Variants in AUTS2 observed in about 807,000 individuals in gnomAD.
The protein encoded by AUTS2 is activator of transcription and developmental regulator AUTS2.
AUTS2 carries 17 observed loss-of-function variants against 112.4 expected under a neutral mutation model. That is an observed-to-expected ratio of 0.15 (90% CI 0.10 to 0.23). AUTS2 has a LOEUF of 0.23. AUTS2 is among the 10% of genes least tolerant of loss of function. The pLI, the probability that AUTS2 is intolerant of heterozygous loss-of-function variation, is 1.00. For missense variants in AUTS2, 1,510 were observed against 1,701.6 expected (o/e 0.89, Z 1.98); for synonymous variants, 751 against 702.7 (o/e 1.07, Z -1.09).
chr7:69,911,637 G>A (rs1217097949), intron 2 of AUTS2, among the ~76,000 whole-genome samples: 1 of 152,164 alleles, frequency 6.6e-6, no homozygotes, highest in East Asian at 1.9e-4. Context: ...TCATCCCTAT[G>A]AGTGTCCAGC....
chr7:70,458,885 T>A (rs147053213), intron 5 of AUTS2, among the ~76,000 whole-genome samples: 1 of 152,328 alleles, frequency 6.6e-6, no homozygotes, highest in East Asian at 1.9e-4. Flanking sequence ...AGCACCAAGC[T>A]GCTCCATCCA....
chr7:70,530,844 TG>T (rs1333110456), intron 5 of AUTS2, among the ~76,000 whole-genome samples: 2 of 152,200 alleles, frequency 1.3e-5, no homozygotes, highest in African/African-American at 4.8e-5. Context: ...CCTCTAGCTC[TG>T]CCCCAACATT....
intron 1 of AUTS2, among the ~76,000 whole-genome samples, chr7:69,894,697 GTTT>G (rs1428453798): frequency 6.6e-6 from 1 of 152,088 alleles, no homozygotes; most frequent in Admixed American, 6.5e-5. Flanking sequence ...CATCTCAGGT[GTTT>G]CTGGTGATAA....
At chr7:70,064,460 G>T (rs952713837) in intron 2 of AUTS2, among the ~76,000 whole-genome samples, 1 of 152,086 alleles carries the variant, frequency 6.6e-6, no homozygotes, top group East Asian at 1.9e-4. Context: ...TTTGGCCTTG[G>T]AACAAACAAA....
intron 5 of AUTS2, among the ~76,000 whole-genome samples, chr7:70,624,064 T>A (rs1166209031): frequency 6.6e-6 from 1 of 152,216 alleles, no homozygotes; most frequent in Non-Finnish European, 1.5e-5. Flanking sequence ...TCTTCCTCAC[T>A]AGAATTATCT....
chr7:69,769,426 A>C (rs755697340), intron 1 of AUTS2, among the ~76,000 whole-genome samples: 15 of 152,170 alleles, frequency 9.9e-5, no homozygotes, highest in Non-Finnish European at 1.6e-4. Flanking sequence ...TTGAAGGGTG[A>C]CTTATGTAAT....
intron 1 of AUTS2, among the ~76,000 whole-genome samples, chr7:69,833,386 C>T (rs1010870592): frequency 1.3e-5 from 2 of 152,158 alleles, no homozygotes; most frequent in African/African-American, 4.8e-5. Context: ...CCAATCGTAT[C>T]TGAACTACAT....
chr7:70,703,083 C>T (rs1809545873), intron 6 of AUTS2, among the ~76,000 whole-genome samples: 2 of 152,170 alleles, frequency 1.3e-5, no homozygotes, highest in South Asian at 4.1e-4. Flanking sequence ...CTAATAAATT[C>T]TTCCATGGCG....
chr7:69,874,753 G>C (rs1793654849), intron 1 of AUTS2, among the ~76,000 whole-genome samples: 1 of 151,976 alleles, frequency 6.6e-6, no homozygotes, highest in Non-Finnish European at 1.5e-5. Flanking sequence ...TTGCCTCCCT[G>C]GTTCAAGAGA....
intron 1 of AUTS2, among the ~76,000 whole-genome samples, chr7:69,863,889 A>G (rs1260993725): frequency 6.6e-6 from 1 of 152,200 alleles, no homozygotes; most frequent in African/African-American, 2.4e-5. Flanking sequence ...GAGGCTGACC[A>G]TACAGACTTC....
At chr7:69,747,440 T>C (rs1787542409) in intron 1 of AUTS2, among the ~76,000 whole-genome samples, 1 of 152,176 alleles carries the variant, frequency 6.6e-6, no homozygotes, top group Admixed American at 6.5e-5. Context: ...ATATGGTATG[T>C]AGGTATAAAA....
intron 6 of AUTS2, among the ~76,000 whole-genome samples, chr7:70,724,681 G>A (rs149445145): frequency 0.059 from 8,900 of 151,860 alleles, 336 homozygotes; most frequent in Non-Finnish European, 0.089. Flanking sequence ...TCCTGACCTC[G>A]TGGTCCGCTT....
chr7:70,517,565 C>A (rs1316562929), intron 5 of AUTS2, among the ~76,000 whole-genome samples: 1 of 74,414 alleles, frequency 1.3e-5, no homozygotes, highest in Non-Finnish European at 3.0e-5. Flanking sequence ...TGCATATACA[C>A]ATATATACAA....
At chr7:70,683,147 T>C (rs1808293719) in intron 5 of AUTS2, among the ~76,000 whole-genome samples, 1 of 152,258 alleles carries the variant, frequency 6.6e-6, no homozygotes, top group Non-Finnish European at 1.5e-5. Flanking sequence ...GTTAATGATA[T>C]ATTTTTTAGA....
At chr7:70,701,490 A>G (rs1239294675) in intron 6 of AUTS2, among the ~76,000 whole-genome samples, 5 of 152,226 alleles carry the variant, frequency 3.3e-5, no homozygotes, top group Admixed American at 2.6e-4. Context: ...TACAGTGAGT[A>G]TATTTTATAT....
Position 69,899,298 on chromosome 7 carries a change from C to T in AUTS2, c.322C>T (p.Leu108Phe). 1 of 1,613,386 alleles carries T rather than the reference C, an allele frequency of 6.2e-7. No individual in the cohort carries two copies. The highest frequency in any genetic ancestry group is 8.5e-7 in the Non-Finnish European group (1 of 1,179,366). The stretch of plus-strand genomic sequence containing the variant: ...TTCTTTTCTACAGAAAGATGTAGCA[C>T]TTAAGCCTCAGGAACGTGTGGAGAA... ...TFEALEKDVA[L>F]KPQERVEKRQ... Residue 108 changes from leucine (L) to phenylalanine (F), a missense_variant, in exon 2 of 19, where the codon CTT becomes TTT. Transcript: ENST00000342771.
intron 2 of AUTS2, among the ~76,000 whole-genome samples, chr7:69,951,750 T>C (rs1454483470): frequency 6.6e-6 from 1 of 152,200 alleles, no homozygotes; most frequent in African/African-American, 2.4e-5. Flanking sequence ...TTGTAGCTGA[T>C]TTTTCCTTTC....
At chr7:70,002,282 A>G (rs1799234081) in intron 2 of AUTS2, among the ~76,000 whole-genome samples, 1 of 152,166 alleles carries the variant, frequency 6.6e-6, no homozygotes, top group Admixed American at 6.5e-5. Context: ...CTCTTTGTGA[A>G]CAAGTAGAAA....
intron 5 of AUTS2, among the ~76,000 whole-genome samples, chr7:70,603,416 T>C (rs1181475177): frequency 1.3e-5 from 2 of 152,216 alleles, no homozygotes; most frequent in Non-Finnish European, 2.9e-5. Context: ...AAGAGGCTTC[T>C]TGGCCAGATT....
Sources: gnomAD v4.1 joint callset for allele counts (sites outside exome capture counted in the v4.1 genomes callset) on GRCh38, gnomAD v4.1.1 for gene constraint, MANE v1.5 for transcripts, NCBI Gene and HGNC (gene_info 2026-07-23, HGNC 2026-07-21) for gene names.